The following OR1J2 variants were observed in gnomAD, a reference collection of about 807,000 sequenced individuals.
OR1J2 encodes the protein olfactory receptor family 1 subfamily J member 2.
For missense variants in OR1J2, 304 were observed against 246.1 expected, an observed-to-expected ratio of 1.24 and a Z score of -1.57; for synonymous variants, 142 against 99.7, an observed-to-expected ratio of 1.42 and a Z score of -2.52.
At chr9:122,572,400 TTTGGGTTAA>T in the OR1J2 span, among the ~76,000 whole-genome samples, 1 of 152,044 alleles carries the variant, frequency 6.6e-6, no homozygotes, top group Non-Finnish European at 1.5e-5. Context: ...ATAGTGGAGA[TTTGGGTTAA>T]GTGGGTTTGG....
At chr9:122,553,079 A>G in the OR1J2 span, 1 of 851,452 alleles carries the variant, frequency 1.2e-6, no homozygotes, top group South Asian at 1.8e-5. Flanking sequence ...ATTGGCAAAG[A>G]CCATTTATTT....
At chr9:122,543,009 G>C in the OR1J2 span, among the ~76,000 whole-genome samples, 1 of 152,150 alleles carries the variant, frequency 6.6e-6, no homozygotes, top group Non-Finnish European at 1.5e-5. Flanking sequence ...GCCTTTTATA[G>C]CTGATGAGCA....
the OR1J2 span, among the ~76,000 whole-genome samples, chr9:122,560,102 T>C: frequency 6.6e-6 from 1 of 152,212 alleles, no homozygotes; most frequent in South Asian, 2.1e-4. Context: ...TTGTCTTTTT[T>C]TATTTTTGTT....
chr9:122,501,464 G>C, the OR1J2 span, among the ~76,000 whole-genome samples: 2 of 152,148 alleles, frequency 1.3e-5, no homozygotes, highest in Non-Finnish European at 2.9e-5. Context: ...AGTTTCCGAA[G>C]CCTCAGGGAA....
At chr9:122,536,943 G>A in the OR1J2 span, among the ~76,000 whole-genome samples, 1 of 152,154 alleles carries the variant, frequency 6.6e-6, no homozygotes, top group Non-Finnish European at 1.5e-5. Context: ...ATAGTACCAT[G>A]CTGTTTTCAT....
chr9:122,543,980 T>C, the OR1J2 span, among the ~76,000 whole-genome samples: 3 of 152,190 alleles, frequency 2.0e-5, no homozygotes, highest in Non-Finnish European at 4.4e-5. Flanking sequence ...TAATCATAAT[T>C]TTCTTTTTTC....
At chr9:122,546,861 T>A in the OR1J2 span, among the ~76,000 whole-genome samples, 1 of 152,162 alleles carries the variant, frequency 6.6e-6, no homozygotes, top group East Asian at 1.9e-4. Flanking sequence ...ATTCGGGGGG[T>A]ACATAGTGAT....
chr9:122,493,304 A>G, the OR1J2 span, among the ~76,000 whole-genome samples: 64 of 152,260 alleles, frequency 4.2e-4, no homozygotes, highest in African/African-American at 1.5e-3. Context: ...AATGTCTGAT[A>G]GAGTTGAGCT....
chr9:122,540,932 T>C, the OR1J2 span, among the ~76,000 whole-genome samples: 1 of 152,170 alleles, frequency 6.6e-6, no homozygotes, highest in Non-Finnish European at 1.5e-5. Flanking sequence ...GTTATTGGTG[T>C]ATAGGAATGC....
chr9:122,459,820 TG>T, the OR1J2 span, among the ~76,000 whole-genome samples: 1 of 152,142 alleles, frequency 6.6e-6, no homozygotes, highest in Admixed American at 6.5e-5. Context: ...TTGTAGTCAA[TG>T]TGTGGTCTTT....
chr9:122,510,838 C>T lies in OR1J2; in HGVS notation c.37C>T (p.Leu13Phe), dbSNP rs1272964573. The change falls in exon 1 of 1, where the codon CTC becomes TTC. Residue 13 changes from leucine to phenylalanine, a missense_variant. By Grantham distance (22) the Leu-to-Phe change is conservative (BLOSUM62 0). Transcript: ENST00000335302. ...GAACCAGAGCAGCGTGTCCGAGTTC[C>T]TCCTTCTGGGCCTCCCCATCCGGCC... ...PENQSSVSEF[L>F]LLGLPIRPEQ... is the part of the protein sequence containing the mutation. The T allele has an allele frequency of 2.5e-6, 4 of 1,604,658 alleles. No homozygotes were observed. The Admixed American group carries it at 5.0e-5, about 20-fold the overall frequency.
chr9:122,483,526 C>T, the OR1J2 span, among the ~76,000 whole-genome samples: 4 of 152,072 alleles, frequency 2.6e-5, no homozygotes, highest in African/African-American at 9.7e-5. Context: ...AAACGTGGAA[C>T]AACACTATAT....
At chr9:122,469,221 A>G in the OR1J2 span, among the ~76,000 whole-genome samples, 1 of 152,154 alleles carries the variant, frequency 6.6e-6, no homozygotes, top group African/African-American at 2.4e-5. Context: ...TCCCCACCCA[A>G]ATCTCATCTT....
chr9:122,550,925 A>G, the OR1J2 span, among the ~76,000 whole-genome samples: 9 of 145,942 alleles, frequency 6.2e-5, no homozygotes, highest in East Asian at 2.0e-4. Flanking sequence ...ACAATCAGGG[A>G]AAAAAAAAAA....
At chr9:122,553,041 G>T in the OR1J2 span, 1 of 705,372 alleles carries the variant, frequency 1.4e-6, no homozygotes. Context: ...GTATTTCCTT[G>T]CATTCCCAGT....
the OR1J2 span, among the ~76,000 whole-genome samples, chr9:122,505,145 G>A: frequency 1.1e-3 from 173 of 152,240 alleles, no homozygotes; most frequent in Admixed American, 3.9e-3. Context: ...CCGCATATAA[G>A]CTCTCTCAGT....
chr9:122,547,623 G>GTGTGTT, the OR1J2 span, among the ~76,000 whole-genome samples: 1 of 92,148 alleles, frequency 1.1e-5, no homozygotes, highest in Non-Finnish European at 2.3e-5. Flanking sequence ...GTAGTTCAGT[G>GTGTGTT]TGTGTGTGTG....
At chr9:122,515,291 C>G (rs566313259), downstream of OR1J2, among the ~76,000 whole-genome samples, 18 of 151,286 alleles carry the variant, frequency 1.2e-4, no homozygotes, top group African/African-American at 4.4e-4. Flanking sequence ...AGTCCATACT[C>G]CCAGGAATGA....
chr9:122,511,473 C>A lies in OR1J2; in HGVS notation c.672C>A (p.Thr224=), dbSNP rs766613016. 1.3e-6 allele frequency: 1 copy of A among 780,598 alleles called. No individual in the cohort carries two copies. The highest frequency in any genetic ancestry group is 1.7e-5 in the African/African-American group (1 of 59,230). 48.4% of individuals were successfully genotyped at this position (780,598 alleles called of 1,614,324 possible). ...ILVSYGYIGA[T]ILRVPSTKGI... The stretch of plus-strand genomic sequence containing the variant: ...TATCATATGGCTACATTGGGGCCAC[C>A]ATCCTGAGGGTCCCTTCAACCAAAG... Residue 224 remains threonine, a synonymous_variant, in exon 1 of 1, where the codon ACC becomes ACA. Coordinates refer to ENST00000335302, the MANE Select transcript of OR1J2 (RefSeq NM_054107.1).
Sources: gnomAD v4.1 joint callset for allele counts (sites outside exome capture counted in the v4.1 genomes callset) on GRCh38, gnomAD v4.1.1 for gene constraint, MANE v1.5 for transcripts, NCBI Gene and HGNC (gene_info 2026-07-23, HGNC 2026-07-21) for gene names.